Variants in METTL16 observed in about 807,000 individuals in gnomAD.
METTL16 encodes RNA N(6)-adenosine-methyltransferase METTL16.
METTL16 carries 19 observed loss-of-function variants against 57.9 expected under a neutral mutation model. That is an observed-to-expected ratio of 0.33 (90% CI 0.23 to 0.48). METTL16 has a LOEUF of 0.48. Ranked by LOEUF, METTL16 falls within the 20% of genes least tolerant of loss-of-function variation. The probability of loss-of-function intolerance (pLI) is 0.99; values close to 1 mark genes in which losing one functional copy is unlikely to be tolerated. For missense variants in METTL16, 434 were observed against 691.5 expected (o/e 0.63, Z 4.18); for synonymous variants, 246 against 255.6 (o/e 0.96, Z 0.36).
intron 2 of METTL16, among the ~76,000 whole-genome samples, chr17:2,486,549 G>A (rs575735782): frequency 2.0e-5 from 3 of 152,214 alleles, no homozygotes; most frequent in African/African-American, 7.2e-5. Context: ...GGGATTACAG[G>A]TGTGAGCCAC....
intron 8 of METTL16, among the ~76,000 whole-genome samples, chr17:2,430,052 G>C (rs1368164631): frequency 6.6e-6 from 1 of 151,534 alleles, no homozygotes; most frequent in Non-Finnish European, 1.5e-5. Flanking sequence ...AACCTCAGTT[G>C]ATCCACCTGC....
chr17:2,428,462 A>G (rs1470916315), intron 8 of METTL16, among the ~76,000 whole-genome samples: 1 of 137,738 alleles, frequency 7.3e-6, no homozygotes, highest in Non-Finnish European at 1.5e-5. Context: ...CGGGAGGCAG[A>G]GCTTGCAGTG....
chr17:2,482,095 AG>A (rs1363336071), intron 2 of METTL16, among the ~76,000 whole-genome samples: 3 of 152,244 alleles, frequency 2.0e-5, no homozygotes, highest in Non-Finnish European at 4.4e-5. Flanking sequence ...TTGAGTATAC[AG>A]GAACTCAAGG....
chr17:2,465,543 T>TTCC, intron 5 of METTL16, among the ~76,000 whole-genome samples: 1 of 87,298 alleles, frequency 1.1e-5, no homozygotes, highest in South Asian at 4.6e-4. Context: ...CAAGACTCCA[T>TTCC]CTCAAAAAAA....
intron 6 of METTL16, among the ~76,000 whole-genome samples, chr17:2,441,923 C>G (rs1371652178): frequency 2.6e-5 from 4 of 152,110 alleles, no homozygotes; most frequent in African/African-American, 9.7e-5. Context: ...AAACATAATA[C>G]TAAGAGAACT....
At chr17:2,510,452 A>G (rs1353923607) in intron 1 of METTL16, among the ~76,000 whole-genome samples, 1 of 152,232 alleles carries the variant, frequency 6.6e-6, no homozygotes, top group Non-Finnish European at 1.5e-5. Flanking sequence ...ACATCAGTGC[A>G]CACACAACAT....
intron 8 of METTL16, among the ~76,000 whole-genome samples, chr17:2,423,424 T>C (rs1434326809): frequency 6.6e-5 from 10 of 152,186 alleles, no homozygotes; most frequent in Non-Finnish European, 1.5e-5. Context: ...ACAGTCATAT[T>C]GTTATTACTC....
At chr17:2,459,728 G>A (rs186638964) in intron 6 of METTL16, among the ~76,000 whole-genome samples, 33 of 152,258 alleles carry the variant, frequency 2.2e-4, no homozygotes, top group African/African-American at 7.5e-4. Flanking sequence ...GGGGCCGGGC[G>A]CAGTGGCTCA....
intron 2 of METTL16, among the ~76,000 whole-genome samples, chr17:2,479,177 GTTTT>G (rs949588492): frequency 1.3e-5 from 2 of 151,744 alleles, no homozygotes; most frequent in African/African-American, 4.8e-5. Flanking sequence ...GTTTTGTTTT[GTTTT>G]GTTTTTGAGC....
At chr17:2,488,814 C>T (rs1428643904) in intron 2 of METTL16, among the ~76,000 whole-genome samples, 2 of 152,190 alleles carry the variant, frequency 1.3e-5, no homozygotes, top group Non-Finnish European at 2.9e-5. Context: ...GGACATTCTA[C>T]GTTGCGTTTC....
At chr17:2,432,027 C>G (rs1597440448) in intron 8 of METTL16, among the ~76,000 whole-genome samples, 2 of 152,104 alleles carry the variant, frequency 1.3e-5, no homozygotes, top group African/African-American at 4.8e-5. Context: ...TCACTGCACA[C>G]TCTGTCTCCC....
In METTL16 at chr17:2,418,221, CACAT is replaced by C. The variant is rs145913996; in HGVS notation, c.*1745_*1748del. The C allele has an allele frequency of 3.5e-5, 5 of 143,262 alleles. No homozygotes were observed. Among genetic ancestry groups the C allele is most frequent in the South Asian group, 2.3e-4 (1 of 4,394 alleles). The allele number at this position is 143,262 out of a possible 1,614,324, so 8.9% of individuals were successfully genotyped here. A position where few individuals can be genotyped will look rare whatever the true frequency, so the allele number is the denominator to read the frequency against. On this transcript the variant is annotated 3_prime_UTR_variant, in exon 10 of 10. Coordinates refer to ENST00000263092, the MANE Select transcript of METTL16 (RefSeq NM_024086.4). ...ATACACACACACACACACACACACA[CACAT>C]GCTCACAGAGCTTTTAGAAGTAACT...
intron 3 of METTL16, among the ~76,000 whole-genome samples, chr17:2,474,162 A>C (rs879811963): frequency 1.3e-5 from 2 of 152,110 alleles, no homozygotes; most frequent in Admixed American, 6.6e-5. Flanking sequence ...AACTCAGCTG[A>C]TTTACTTTGT....
chr17:2,424,656 A>AG lies in METTL16; in HGVS notation c.889-3753dup, dbSNP rs892276760. On this transcript the variant is annotated intron_variant, in intron 8 of 9. Transcript: ENST00000263092. ...GCTCTACTATAGAAACTAGACATTA[A>AG]GAGACAGACAGGCCAGGCGCAGTGG... 5.9e-5 allele frequency among the ~76,000 whole-genome samples: 9 copies of AG among 152,184 alleles called. No individual in the cohort carries two copies. The East Asian group carries it at 1.4e-3, about 23-fold the overall frequency.
At chr17:2,493,239 C>T (rs896163229) in intron 2 of METTL16, among the ~76,000 whole-genome samples, 2 of 150,816 alleles carry the variant, frequency 1.3e-5, no homozygotes, top group Non-Finnish European at 2.9e-5. Context: ...GAGGTGCGTG[C>T]CACCACGCCC....
chr17:2,468,850 G>T (rs988239900), intron 4 of METTL16, among the ~76,000 whole-genome samples: 1 of 152,048 alleles, frequency 6.6e-6, no homozygotes, highest in Non-Finnish European at 1.5e-5. Flanking sequence ...ATCACGCCAC[G>T]GCACACCGGC....
intron 6 of METTL16, among the ~76,000 whole-genome samples, chr17:2,446,261 C>T (rs1469119492): frequency 1.3e-5 from 2 of 152,106 alleles, no homozygotes; most frequent in African/African-American, 4.8e-5. Context: ...CACTCTTCAC[C>T]ACTTCTATTC....
intron 2 of METTL16, among the ~76,000 whole-genome samples, chr17:2,492,765 TTG>T (rs1567904707): frequency 5.3e-5 from 8 of 151,202 alleles, no homozygotes; most frequent in African/African-American, 1.9e-4. Context: ...GGTGTGGTGG[TTG>T]GCACCTATAA....
At position 2,416,875 on chromosome 17, in the gene METTL16, G is replaced by A. The variant is rs954043445; in HGVS notation, c.*3095C>T. ...CACCTGTACCAGAGGTATATGCTAT[G>A]AAACAACACACAATTATAAAGCATA... On this transcript the variant is annotated 3_prime_UTR_variant, in exon 10 of 10. Coordinates refer to ENST00000263092, the MANE Select transcript of METTL16 (RefSeq NM_024086.4). 2.0e-5 allele frequency: 3 copies of A among 152,204 alleles called. No individual in the cohort carries two copies. The highest frequency in any genetic ancestry group is 7.3e-5 in the African/African-American group (3 of 41,374). The allele number at this position is 152,204 out of a possible 1,614,324, so 9.4% of individuals were successfully genotyped here.
Sources: allele counts gnomAD v4.1 joint callset (sites outside exome capture counted in the v4.1 genomes callset), GRCh38; gene constraint gnomAD v4.1.1; transcripts MANE v1.5; gene names NCBI Gene and HGNC (gene_info 2026-07-23, HGNC 2026-07-21).